Variants in TMEM132D observed in about 807,000 individuals in gnomAD.
The protein encoded by TMEM132D is mature OL transmembrane protein.
A neutral mutation model predicts 62.3 loss-of-function variants in TMEM132D; 21 were observed. The observed-to-expected ratio is 0.34, with a 90% CI of 0.24 to 0.49. TMEM132D has a LOEUF of 0.49. Ranked by LOEUF, TMEM132D falls within the 20% of genes least tolerant of loss-of-function variation. The pLI is 0.99. For synonymous variants in TMEM132D, 621 were observed against 575.6 expected, an observed-to-expected ratio of 1.08 and a Z score of -1.13; for missense variants, 1,346 against 1,402.8, an observed-to-expected ratio of 0.96 and a Z score of 0.65.
chr12:129,228,791 A>T (rs1879553500), intron 4 of TMEM132D, among the ~76,000 whole-genome samples: 1 of 152,230 alleles, frequency 6.6e-6, no homozygotes, highest in Non-Finnish European at 1.5e-5. Context: ...TGATCAGTTA[A>T]TCAACTAGGG....
chr12:129,345,170 A>T (rs781779701), intron 3 of TMEM132D, among the ~76,000 whole-genome samples: 3 of 152,150 alleles, frequency 2.0e-5, no homozygotes, highest in Non-Finnish European at 4.4e-5. Context: ...TTTTTGTTAA[A>T]GTCCATGTTG....
At chr12:129,818,138 A>G (rs1317335043) in intron 1 of TMEM132D, among the ~76,000 whole-genome samples, 2 of 111,014 alleles carry the variant, frequency 1.8e-5, no homozygotes, top group African/African-American at 7.4e-5. Context: ...TGGGTTGTGC[A>G]TGTGTGTGTG....
intron 3 of TMEM132D, among the ~76,000 whole-genome samples, chr12:129,432,417 G>T (rs1593006193): frequency 6.6e-6 from 1 of 152,218 alleles, no homozygotes; most frequent in African/African-American, 2.4e-5. Context: ...GAGAAGAGTG[G>T]GTTTTTGTTT....
At chr12:129,456,934 G>C (rs1248076324) in intron 3 of TMEM132D, among the ~76,000 whole-genome samples, 1 of 152,146 alleles carries the variant, frequency 6.6e-6, no homozygotes, top group Non-Finnish European at 1.5e-5. Flanking sequence ...TATAAGTCAG[G>C]AAACAACAGG....
Position 129,639,248 on chromosome 12 carries a change from T to C in TMEM132D, c.968+60562A>G, listed in dbSNP as rs1020550705. Among the ~76,000 whole-genome samples the C allele has an allele frequency of 2.0e-5, 3 of 151,366 alleles. No individual in the cohort carries two copies. In the East Asian group the frequency reaches 5.9e-4, roughly 30 times the overall value. ...AAATACAAAAAATAGCTGGGCATGG[T>C]GGTGGGTGCCTGTAATCCCAGCTAC... On this transcript the variant is annotated intron_variant, in intron 2 of 8. Coordinates refer to ENST00000422113, the MANE Select transcript of TMEM132D (RefSeq NM_133448.3).
chr12:129,182,694 C>G (rs1254498440), intron 5 of TMEM132D, among the ~76,000 whole-genome samples: 2 of 152,190 alleles, frequency 1.3e-5, no homozygotes, highest in Non-Finnish European at 2.9e-5. Context: ...ACACATCTTC[C>G]CAGAAATACT....
intron 1 of TMEM132D, among the ~76,000 whole-genome samples, chr12:129,823,214 A>G (rs532508369): frequency 4.6e-5 from 7 of 152,286 alleles, no homozygotes; most frequent in African/African-American, 1.7e-4. Context: ...TTCCTGTACA[A>G]CCTGCAGAAC....
intron 1 of TMEM132D, among the ~76,000 whole-genome samples, chr12:129,885,719 T>C (rs1411947604): frequency 6.6e-6 from 1 of 152,236 alleles, no homozygotes; most frequent in Non-Finnish European, 1.5e-5. Flanking sequence ...TTGCTAAGGA[T>C]GAAGTTTCTA....
intron 5 of TMEM132D, among the ~76,000 whole-genome samples, chr12:129,191,776 C>T (rs1180878634): frequency 6.7e-6 from 1 of 150,194 alleles, no homozygotes; most frequent in Non-Finnish European, 1.5e-5. Flanking sequence ...CACACACACA[C>T]ACATACACAC....
chr12:129,314,851 T>G (rs1223643237), intron 4 of TMEM132D, among the ~76,000 whole-genome samples: 1 of 152,022 alleles, frequency 6.6e-6, no homozygotes, highest in East Asian at 1.9e-4. Flanking sequence ...TGGTTCAGTA[T>G]ATTCCTAAGT....
chr12:129,644,180 T>C (rs1387038215), intron 2 of TMEM132D, among the ~76,000 whole-genome samples: 1 of 152,124 alleles, frequency 6.6e-6, no homozygotes, highest in Non-Finnish European at 1.5e-5. Flanking sequence ...TTAAAATATA[T>C]AAAACCAAGC....
At chr12:129,499,477 T>C (rs527730787) in intron 3 of TMEM132D, among the ~76,000 whole-genome samples, 2 of 152,318 alleles carry the variant, frequency 1.3e-5, no homozygotes, top group Non-Finnish European at 1.5e-5. Context: ...CCAGTTGATT[T>C]TGGCCAGTGA....
chr12:129,113,172 A>C (rs1214084923), intron 5 of TMEM132D: 1 of 152,198 alleles, frequency 6.6e-6, no homozygotes. Flanking sequence ...TCATCTGGCC[A>C]CCTGCTGCTT....
intron 5 of TMEM132D, among the ~76,000 whole-genome samples, chr12:129,155,893 C>T (rs369836780): frequency 1.6e-4 from 25 of 152,062 alleles, no homozygotes; most frequent in African/African-American, 6.0e-4. Flanking sequence ...CAGTAACCAA[C>T]CCACTCCCAA....
chr12:129,488,758 C>T (rs1874667064), intron 3 of TMEM132D, among the ~76,000 whole-genome samples: 1 of 151,782 alleles, frequency 6.6e-6, no homozygotes, highest in Non-Finnish European at 1.5e-5. Context: ...TGCGGCCAGA[C>T]AGGTGGGCAG....
intron 3 of TMEM132D, among the ~76,000 whole-genome samples, chr12:129,451,645 A>C (rs1873289969): frequency 6.6e-6 from 1 of 152,188 alleles, no homozygotes; most frequent in Non-Finnish European, 1.5e-5. Context: ...AGAACTAAAA[A>C]CCTGACCACA....
intron 3 of TMEM132D, among the ~76,000 whole-genome samples, chr12:129,416,546 CT>C (rs1442026979): frequency 6.6e-6 from 1 of 152,186 alleles, no homozygotes; most frequent in Non-Finnish European, 1.5e-5. Context: ...CGCTTTATTT[CT>C]TTCTTTTGCC....
chr12:129,220,719 T>C (rs762314313), intron 4 of TMEM132D, among the ~76,000 whole-genome samples: 2 of 152,190 alleles, frequency 1.3e-5, no homozygotes, highest in Non-Finnish European at 2.9e-5. Flanking sequence ...GTAAGATTCT[T>C]TTGTCCACCA....
At chr12:129,735,889 G>A (rs1869406588) in intron 1 of TMEM132D, among the ~76,000 whole-genome samples, 1 of 152,140 alleles carries the variant, frequency 6.6e-6, no homozygotes, top group Admixed American at 6.5e-5. Flanking sequence ...ATCTTCCTGA[G>A]GCACAAAGCA....
Sources: gnomAD v4.1 joint callset for allele counts (sites outside exome capture counted in the v4.1 genomes callset) on GRCh38, gnomAD v4.1.1 for gene constraint, MANE v1.5 for transcripts, NCBI Gene and HGNC (gene_info 2026-07-23, HGNC 2026-07-21) for gene names.